Variants in RIN3 observed in about 807,000 individuals in gnomAD.
RIN3 encodes the protein RAB5 interacting protein 3.
RIN3 carries 54 observed loss-of-function variants against 76.3 expected under a neutral mutation model. The observed-to-expected ratio is 0.71, with a 90% CI of 0.57 to 0.89. The LOEUF is 0.89. Among genes scored for constraint, RIN3 ranks in the 40% least tolerant of loss-of-function variants. The pLI, the probability that RIN3 is intolerant of heterozygous loss-of-function variation, is 0.00. For missense variants in RIN3, 1,256 were observed against 1,322.1 expected (o/e 0.95, Z 0.78); for synonymous variants, 576 against 564.0 (o/e 1.02, Z -0.30).
chr14:92,556,822 T>G (rs1595413018), intron 2 of RIN3, among the ~76,000 whole-genome samples: 1 of 152,224 alleles, frequency 6.6e-6, no homozygotes, highest in Non-Finnish European at 1.5e-5. Context: ...GTAAAGATCT[T>G]TTCCACCTAC....
intron 3 of RIN3, 47 bp downstream of exon 3, chr14:92,577,524 C>A: frequency 8.1e-7 from 1 of 1,234,624 alleles, no homozygotes; most frequent in Non-Finnish European, 1.2e-6. Flanking sequence ...GCGGCAGCAG[C>A]AGCAGCAGAG....
intron 6 of RIN3, among the ~76,000 whole-genome samples, chr14:92,655,281 G>A (rs1887624908): frequency 6.6e-6 from 1 of 152,226 alleles, no homozygotes; most frequent in Non-Finnish European, 1.5e-5. Flanking sequence ...CCAGGAGGCG[G>A]AGATTGCAGT....
intron 5 of RIN3, among the ~76,000 whole-genome samples, chr14:92,649,727 T>G (rs1157186937): frequency 6.6e-6 from 1 of 152,154 alleles, no homozygotes; most frequent in Admixed American, 6.5e-5. Flanking sequence ...TACCATGTCC[T>G]CGGTGACTGT....
chr14:92,621,178 G>A lies in RIN3; in HGVS notation c.440+5699G>A, dbSNP rs1477070328. Among the ~76,000 whole-genome samples the A allele has an allele frequency of 4.2e-5, 5 of 118,164 alleles. 1 individual carries two copies. Among genetic ancestry groups the A allele is most frequent in the Middle Eastern group, 0.02 (2 of 98 alleles). The allele number at this position is 118,164 out of a possible 152,430, so 77.5% of individuals were successfully genotyped here. ...GTGAACCCGGAAGGCGGAGCTTGCA[G>A]TGAGCCAAGATTACGCCACTGCACT... On this transcript the variant is annotated intron_variant, in intron 4 of 9. Transcript: ENST00000216487.
chr14:92,680,719 G>A (rs1888633882), intron 8 of RIN3, among the ~76,000 whole-genome samples: 1 of 152,204 alleles, frequency 6.6e-6, no homozygotes, highest in Non-Finnish European at 1.5e-5. Context: ...TAGTTCAGGT[G>A]AGCAAGCCAT....
chr14:92,532,015 G>A (rs952516234), intron 1 of RIN3, among the ~76,000 whole-genome samples: 5 of 148,264 alleles, frequency 3.4e-5, no homozygotes, highest in Admixed American at 6.7e-5. Context: ...TGCAACCTCC[G>A]CCTCCTGGGT....
intron 1 of RIN3, among the ~76,000 whole-genome samples, chr14:92,541,257 A>G (rs865791734): frequency 1.3e-5 from 2 of 152,124 alleles, no homozygotes; most frequent in African/African-American, 2.4e-5. Context: ...ATGTGATTCC[A>G]CCCTCCAGAT....
chr14:92,687,603 G>T, intron 9 of RIN3: 1 of 394,912 alleles, frequency 2.5e-6, no homozygotes, highest in Non-Finnish European at 4.6e-6. Context: ...CCTGGAGGGA[G>T]GGAGGGAGGG....
chr14:92,522,084 C>A (rs1370706752), intron 1 of RIN3, among the ~76,000 whole-genome samples: 1 of 152,080 alleles, frequency 6.6e-6, no homozygotes, highest in Non-Finnish European at 1.5e-5. Context: ...GTGGTTGGGG[C>A]CCCCTTGGCT....
chr14:92,604,627 C>T (rs1885460710), intron 3 of RIN3, among the ~76,000 whole-genome samples: 2 of 152,132 alleles, frequency 1.3e-5, no homozygotes, highest in Admixed American at 6.5e-5. Flanking sequence ...CTGGGGCAAT[C>T]CTAATCTCTC....
intron 2 of RIN3, among the ~76,000 whole-genome samples, chr14:92,571,077 G>T (rs1396810398): frequency 6.6e-6 from 1 of 152,208 alleles, no homozygotes; most frequent in Non-Finnish European, 1.5e-5. Context: ...GTCAAAGGTG[G>T]CCAACTGGTC....
chr14:92,563,833 T>A (rs1013184266), intron 2 of RIN3, among the ~76,000 whole-genome samples: 2 of 152,214 alleles, frequency 1.3e-5, no homozygotes, highest in East Asian at 3.8e-4. Context: ...GGGCAATATG[T>A]CCCTTTATTC....
chr14:92,558,807 C>T (rs1364890796), intron 2 of RIN3, among the ~76,000 whole-genome samples: 1 of 151,930 alleles, frequency 6.6e-6, no homozygotes, highest in African/African-American at 2.4e-5. Flanking sequence ...TCCTGATAGT[C>T]GTGGGTCAAA....
At chr14:92,607,948 A>G (rs558420909) in intron 3 of RIN3, among the ~76,000 whole-genome samples, 4 of 152,352 alleles carry the variant, frequency 2.6e-5, no homozygotes, top group African/African-American at 9.6e-5. Flanking sequence ...GATTCAACTT[A>G]TATGATGTTT....
chr14:92,527,179 T>C (rs1281908852), intron 1 of RIN3, among the ~76,000 whole-genome samples: 1 of 151,608 alleles, frequency 6.6e-6, no homozygotes, highest in African/African-American at 2.4e-5. Flanking sequence ...GCCTTCTGAG[T>C]AGCTGGGACT....
In RIN3 at chr14:92,584,088, C is replaced by T. The variant is rs377715022; in HGVS notation, c.367+6611C>T. Reference sequence around the variant, plus strand: ...TAAAGTATACAGGAGGACGTGCATACGTTATAGGCAGATACTATGCCATTT... The same window carrying T: ...TAAAGTATACAGGAGGACGTGCATATGTTATAGGCAGATACTATGCCATTT... On this transcript the variant is annotated intron_variant, in intron 3 of 9. Coordinates refer to ENST00000216487, the MANE Select transcript of RIN3 (RefSeq NM_024832.5). Among the ~76,000 whole-genome samples the T allele has an allele frequency of 7.9e-5, 12 of 152,078 alleles. No individual in the cohort carries two copies. In the South Asian group the frequency reaches 1.2e-3, roughly 16 times the overall value.
chr14:92,608,547 T>TC (rs984457161), intron 3 of RIN3, among the ~76,000 whole-genome samples: 17 of 151,948 alleles, frequency 1.1e-4, no homozygotes, highest in Non-Finnish European at 2.2e-4. Context: ...TAGCATTTTT[T>TC]TTTTTGAGAC....
In RIN3 at chr14:92,653,066, G is replaced by A; in HGVS notation, c.2017G>A (p.Glu673Lys). ...ALVDPALHSE[E>K]ELEAIVESAL... ...GGTGGACCCCGCCCTGCACTCCGAG[G>A]AGGAGCTCGGTCAGTGCCCTGGGAG... is the stretch of plus-strand genomic sequence containing the variant. Residue 673 changes from glutamate to lysine, a missense_variant, in exon 6 of 10, where the codon GAG (glutamate) becomes AAG (lysine). Around this residue, in one of 3 missense-constraint regions of RIN3, gnomAD observed 428 missense variants for 521.2 expected, o/e 0.82. Transcript: ENST00000216487. 1 of 1,601,448 alleles carries A rather than the reference G, an allele frequency of 6.2e-7. No homozygotes were observed. Among genetic ancestry groups the A allele is most frequent in the African/African-American group, 1.3e-5 (1 of 74,978 alleles).
intron 3 of RIN3, among the ~76,000 whole-genome samples, chr14:92,609,625 G>GT (rs1203935883): frequency 3.3e-5 from 5 of 152,204 alleles, no homozygotes; most frequent in Non-Finnish European, 5.9e-5. Context: ...GTCTTGGCAG[G>GT]TTCATGGGTG....
Sources: gnomAD v4.1 joint callset for allele counts (sites outside exome capture counted in the v4.1 genomes callset) on GRCh38, gnomAD v4.1.1 for gene constraint, gnomAD v4.1.1 regional missense constraint, MANE v1.5 for transcripts, NCBI Gene and HGNC (gene_info 2026-07-23, HGNC 2026-07-21) for gene names.